Variants in TANK observed in about 807,000 individuals in gnomAD.
The protein encoded by TANK is TRAF family member associated NFKB activator, also known as TRAF family member-associated NF-kappa-B activator.
Under a neutral mutation model 43.6 loss-of-function variants are expected in TANK, and 15 were observed. The observed-to-expected ratio is 0.34, with a 90% CI of 0.23 to 0.53. TANK has a LOEUF of 0.53. TANK is among the 20% of genes least tolerant of loss of function. The probability of loss-of-function intolerance (pLI) is 0.94; values close to 1 mark genes in which losing one functional copy is unlikely to be tolerated. For synonymous variants in TANK, 162 were observed against 178.2 expected (o/e 0.91, Z 0.73); for missense variants, 417 against 498.6 (o/e 0.84, Z 1.56).
intron 4 of TANK, chr2:161,212,585 A>G: frequency 2.0e-6 from 2 of 985,158 alleles, no homozygotes; most frequent in Non-Finnish European, 1.2e-6. Flanking sequence ...ATAAGAAGTG[A>G]TATGTCACCT....
chr2:161,214,394 A>G (rs532092967), intron 4 of TANK, among the ~76,000 whole-genome samples: 1 of 152,318 alleles, frequency 6.6e-6, no homozygotes, highest in Admixed American at 6.5e-5. Context: ...CCTTTTGTGT[A>G]TACTTCCCAT....
intron 2 of TANK, among the ~76,000 whole-genome samples, chr2:161,202,497 T>C (rs1686466676): frequency 6.6e-6 from 1 of 152,184 alleles, no homozygotes. Context: ...TATGAACAGC[T>C]ATGTAATTTA....
At chr2:161,178,254 A>G (rs1685255677) in intron 1 of TANK, among the ~76,000 whole-genome samples, 1 of 152,168 alleles carries the variant, frequency 6.6e-6, no homozygotes, top group South Asian at 2.1e-4. Context: ...AGGTGGAAAC[A>G]ACTCAAATGT....
At chr2:161,158,655 A>G (rs1684287260), upstream of TANK, among the ~76,000 whole-genome samples, 1 of 152,254 alleles carries the variant, frequency 6.6e-6, no homozygotes, top group African/African-American at 2.4e-5. Context: ...TTCAATCAGA[A>G]ATCTTCAAAT....
At position 161,137,974 on chromosome 2, in the gene TANK, A is replaced by T. The variant is rs183698989; in HGVS notation, c.-50+911A>T. 205 of 600,546 alleles carry T rather than the reference A, an allele frequency of 3.4e-4. 1 individual carries two copies. The Admixed American group carries it at 5.1e-3, about 15-fold the overall frequency. The allele number at this position is 600,546 out of a possible 1,614,324, so 37.2% of individuals were successfully genotyped here. A position where few individuals can be genotyped will look rare whatever the true frequency, so the allele number is the denominator to read the frequency against. ...AGAGCAAAACTCCGTCTCAAAAAAA[A>T]AATAATAATAATGATTAACTCAAGT... On this transcript the variant is annotated intron_variant, in intron 1 of 7. Coordinates refer to the TANK transcript ENST00000259075.
chr2:161,188,212 T>TA (rs1292461322), intron 2 of TANK, among the ~76,000 whole-genome samples: 4 of 151,546 alleles, frequency 2.6e-5, no homozygotes, highest in Non-Finnish European at 4.4e-5. Flanking sequence ...CAAATATAAA[T>TA]AAAAAATAGA....
intron 1 of TANK, chr2:161,161,172 G>A: frequency 6.9e-7 from 1 of 1,458,678 alleles, no homozygotes; most frequent in South Asian, 1.4e-5. Flanking sequence ...TGCTTTTCTA[G>A]AAGTAGAAAG....
chr2:161,152,373 C>T (rs1031852560), intron 1 of TANK, among the ~76,000 whole-genome samples: 3 of 152,080 alleles, frequency 2.0e-5, no homozygotes, highest in African/African-American at 7.2e-5. Context: ...CTCAAAATGT[C>T]TTAATTTCTT....
At chr2:161,230,795 C>A (rs536037019) in intron 6 of TANK, among the ~76,000 whole-genome samples, 176 bp from the exon 7 acceptor site, 17 of 152,156 alleles carry the variant, frequency 1.1e-4, no homozygotes, top group Admixed American at 5.2e-4. Flanking sequence ...TCAGTTCACC[C>A]GCTGGAGACT....
At chr2:161,150,194 T>C (rs1425313357) in intron 1 of TANK, among the ~76,000 whole-genome samples, 1 of 152,210 alleles carries the variant, frequency 6.6e-6, no homozygotes, top group Non-Finnish European at 1.5e-5. Flanking sequence ...CCTCTTTACT[T>C]AGATTTAGTA....
At chr2:161,219,867 G>GT (rs1192417759) in intron 4 of TANK, 9 of 374,534 alleles carry the variant, frequency 2.4e-5, no homozygotes, top group African/African-American at 8.7e-5. Flanking sequence ...TTTATTTTCA[G>GT]TTTTTTTCCT....
chr2:161,210,696 TAAAAAA>T (rs779556160), intron 4 of TANK, among the ~76,000 whole-genome samples: 1 of 91,056 alleles, frequency 1.1e-5, no homozygotes, highest in African/African-American at 4.2e-5. Flanking sequence ...AAACTCCGTC[TAAAAAA>T]AAAAAAAAAA....
At chr2:161,140,963 C>T (rs867805833) in intron 1 of TANK, among the ~76,000 whole-genome samples, 1 of 152,082 alleles carries the variant, frequency 6.6e-6, no homozygotes, top group Non-Finnish European at 1.5e-5. Flanking sequence ...ATTAGTATGG[C>T]ACATTTGTAA....
At chr2:161,165,676 C>G (rs866946297) in intron 1 of TANK, among the ~76,000 whole-genome samples, 2 of 152,210 alleles carry the variant, frequency 1.3e-5, no homozygotes, top group South Asian at 4.1e-4. Flanking sequence ...TTCTAGTTCC[C>G]TCATCTGTGA....
In TANK at chr2:161,147,896, CTAAT is replaced by C. The variant is rs199652621; in HGVS notation, c.-50+10836_-50+10839del. On this transcript the variant is annotated intron_variant, in intron 1 of 7. Transcript: ENST00000259075. ...AATATTCTATTATATGTATATACCACTAATTATTTATCCATTCGTCTGTTGATGG... is the reference window on the plus strand; with the variant it reads ...AATATTCTATTATATGTATATACCACTATTTATCCATTCGTCTGTTGATGG... Among the ~76,000 whole-genome samples, 1,209 of 152,250 alleles carry C rather than the reference CTAAT, an allele frequency of 7.9e-3. 15 individuals carry two copies. The highest frequency in any genetic ancestry group is 0.027 in the African/African-American group (1,133 of 41,530).
At chr2:161,233,755 GATTTA>G (rs1225896693) in intron 7 of TANK, among the ~76,000 whole-genome samples, 2 of 151,940 alleles carry the variant, frequency 1.3e-5, no homozygotes, top group East Asian at 1.9e-4. Flanking sequence ...AATTGCTTCT[GATTTA>G]ATTTCTTACT....
intron 4 of TANK, among the ~76,000 whole-genome samples, chr2:161,213,229 T>C (rs1048776138): frequency 6.6e-6 from 1 of 151,990 alleles, no homozygotes; most frequent in African/African-American, 2.4e-5. Flanking sequence ...AAAATCAGAG[T>C]TGGAGGCGAC....
intron 2 of TANK, among the ~76,000 whole-genome samples, chr2:161,186,281 C>T (rs1378636054): frequency 7.2e-5 from 11 of 152,256 alleles, no homozygotes; most frequent in Admixed American, 7.2e-4. Context: ...TCCTACCACT[C>T]TATTCTCTCA....
chr2:161,196,580 C>T (rs773386634), intron 2 of TANK, among the ~76,000 whole-genome samples: 43 of 152,196 alleles, frequency 2.8e-4, no homozygotes, highest in Admixed American at 1.1e-3. Flanking sequence ...GGGGGCCAGG[C>T]GCGGTGGCTC....
Sources: allele counts gnomAD v4.1 joint callset (sites outside exome capture counted in the v4.1 genomes callset), GRCh38; gene constraint gnomAD v4.1.1; transcripts MANE v1.5; gene names NCBI Gene and HGNC (gene_info 2026-07-23, HGNC 2026-07-21).